ADGRB3: variants seen among roughly 807,000 people sequenced by gnomAD.
The protein encoded by ADGRB3 is adhesion G protein-coupled receptor B3.
ADGRB3 carries 37 observed loss-of-function variants against 193.4 expected under a neutral mutation model. That is an observed-to-expected ratio of 0.19 (90% CI 0.15 to 0.25). The LOEUF (loss-of-function observed/expected upper bound fraction) is 0.25, where lower values mean the gene tolerates loss of function less well. ADGRB3 is among the 10% of genes least tolerant of loss of function. The pLI, the probability that ADGRB3 is intolerant of heterozygous loss-of-function variation, is 1.00. For missense variants in ADGRB3, 1,637 were observed against 1,852.9 expected, an observed-to-expected ratio of 0.88 and a Z score of 2.14; for synonymous variants, 690 against 644.2, an observed-to-expected ratio of 1.07 and a Z score of -1.08.
intron 8 of ADGRB3, 44 bp from the exon 9 acceptor site, chr6:68,974,719 T>A (rs1425435109): frequency 2.6e-5 from 40 of 1,565,614 alleles, no homozygotes; most frequent in Non-Finnish European, 3.5e-5. Context: ...GCCAAAATTT[T>A]TTAAACACTA....
At chr6:69,113,382 A>G (rs1773432098) in intron 17 of ADGRB3, among the ~76,000 whole-genome samples, 2 of 152,022 alleles carry the variant, frequency 1.3e-5, no homozygotes, top group African/African-American at 4.8e-5. Flanking sequence ...ATATGTATGT[A>G]TATATGTGTG....
chr6:68,779,262 AAC>A (rs1766809436), intron 3 of ADGRB3, among the ~76,000 whole-genome samples: 1 of 106,248 alleles, frequency 9.4e-6, no homozygotes, highest in Non-Finnish European at 2.1e-5. Context: ...GTGTGTGTGT[AAC>A]AGAGAAGGTA....
Position 68,956,773 on chromosome 6 carries a change from G to A in ADGRB3, c.1489G>A (p.Glu497Lys), listed in dbSNP as rs549905059. ...AGGGCAGCAATGTGAAGGAACGGGC[G>A]AAGAAGTGAGAAGATGCAATGAGCA... Reference protein sequence around the residue: ...ITGQQCEGTGEEVRRCNEQRC... With the variant: ...ITGQQCEGTGKEVRRCNEQRC... Residue 497 changes from glutamate (E) to lysine (K), a missense_variant, in exon 8 of 32, where the codon GAA (glutamate) becomes AAA (lysine). Glu to Lys is a moderately conservative substitution (Grantham distance 56). Transcript: ENST00000370598. The A allele has an allele frequency of 1.8e-5, 29 of 1,613,844 alleles. No homozygotes were observed. Among genetic ancestry groups the A allele is most frequent in the South Asian group, 1.4e-4 (13 of 91,068 alleles).
intron 3 of ADGRB3, among the ~76,000 whole-genome samples, chr6:68,734,636 T>C (rs1238786118): frequency 6.6e-6 from 1 of 151,928 alleles, no homozygotes; most frequent in Admixed American, 6.6e-5. Context: ...AGGATGGTAA[T>C]GAAAATGAGG....
At position 68,993,882 on chromosome 6, in the gene ADGRB3, C is replaced by T. The variant is rs372558098; in HGVS notation, c.1849C>T (p.Leu617=). ...QRKNFYAGDL[L]MSVEILRNVT... is the part of the protein sequence containing the mutation. ...AAAAAATTTCTATGCAGGCGATCTTCTGATGTCTGTGGAGATCCTGAGAAA... is the reference window on the plus strand; with the variant it reads ...AAAAAATTTCTATGCAGGCGATCTTTTGATGTCTGTGGAGATCCTGAGAAA... The change falls in exon 11 of 32, where the codon CTG becomes TTG. Residue 617 remains leucine, a synonymous_variant. Coordinates refer to ENST00000370598, the MANE Select transcript of ADGRB3 (RefSeq NM_001704.3). The T allele has an allele frequency of 1.9e-6, 3 of 1,613,830 alleles. No homozygotes were observed. In the African/African-American group the frequency reaches 4.0e-5, roughly 22 times the overall value.
At chr6:68,772,892 A>AT (rs1293211041) in intron 3 of ADGRB3, among the ~76,000 whole-genome samples, 61 of 30,504 alleles carry the variant, frequency 2.0e-3, no homozygotes, top group Non-Finnish European at 2.8e-3. Flanking sequence ...CAAAAAAAAA[A>AT]AAATATATAT....
intron 17 of ADGRB3, among the ~76,000 whole-genome samples, chr6:69,143,002 G>T (rs2150338395): frequency 6.6e-6 from 1 of 152,288 alleles, no homozygotes; most frequent in East Asian, 1.9e-4. Context: ...CCCACCAACA[G>T]TGGATGAAGG....
At chr6:68,898,683 G>A (rs755828255) in intron 3 of ADGRB3, among the ~76,000 whole-genome samples, 1 of 152,066 alleles carries the variant, frequency 6.6e-6, no homozygotes, top group African/African-American at 2.4e-5. Context: ...CTTTGCAGTC[G>A]AGAAATCAGT....
At chr6:68,852,023 AT>A (rs146836929) in intron 3 of ADGRB3, among the ~76,000 whole-genome samples, 14,176 of 151,896 alleles carry the variant, frequency 0.093, 873 homozygotes, top group Non-Finnish European at 0.13. Flanking sequence ...TATATTATTC[AT>A]TTCAACGTTG....
chr6:68,675,069 A>T (rs777759488), intron 3 of ADGRB3, among the ~76,000 whole-genome samples: 1 of 152,144 alleles, frequency 6.6e-6, no homozygotes, highest in Non-Finnish European at 1.5e-5. Flanking sequence ...GAATAGTGAG[A>T]TTTATTACAC....
intron 17 of ADGRB3, among the ~76,000 whole-genome samples, chr6:69,086,041 A>G (rs968962280): frequency 5.9e-5 from 9 of 152,156 alleles, no homozygotes; most frequent in African/African-American, 2.2e-4. Flanking sequence ...AATGGACATA[A>G]GTAATTATAC....
chr6:68,854,044 A>G (rs1203350647), intron 3 of ADGRB3, among the ~76,000 whole-genome samples: 2 of 152,144 alleles, frequency 1.3e-5, no homozygotes, highest in African/African-American at 4.8e-5. Context: ...GTAGTGATCT[A>G]TATAAAAATG....
chr6:68,793,111 C>A (rs1428818599), intron 3 of ADGRB3, among the ~76,000 whole-genome samples: 2 of 151,988 alleles, frequency 1.3e-5, no homozygotes, highest in African/African-American at 4.8e-5. Flanking sequence ...TCCTGATAAA[C>A]CTAGGGCAAG....
intron 3 of ADGRB3, among the ~76,000 whole-genome samples, chr6:68,761,381 T>C (rs1408657341): frequency 6.9e-6 from 1 of 144,610 alleles, no homozygotes; most frequent in Non-Finnish European, 1.5e-5. Flanking sequence ...GGTAACTCCT[T>C]GCAGGCAGTC....
At chr6:69,077,553 A>T (rs1278783644) in intron 17 of ADGRB3, among the ~76,000 whole-genome samples, 1 of 151,966 alleles carries the variant, frequency 6.6e-6, no homozygotes, top group African/African-American at 2.4e-5. Flanking sequence ...CACTGCAACA[A>T]GAGATAGTTC....
chr6:69,379,574 A>G (rs954263746), intron 30 of ADGRB3, among the ~76,000 whole-genome samples: 3 of 152,134 alleles, frequency 2.0e-5, no homozygotes, highest in African/African-American at 4.8e-5. Context: ...AAACTTTCCA[A>G]TGTTCACTGT....
At chr6:69,131,742 C>A (rs1774016208) in intron 17 of ADGRB3, among the ~76,000 whole-genome samples, 1 of 151,948 alleles carries the variant, frequency 6.6e-6, no homozygotes, top group African/African-American at 2.4e-5. Context: ...CTGTTATCTA[C>A]ATTAGGTATT....
intron 17 of ADGRB3, among the ~76,000 whole-genome samples, chr6:69,089,533 C>A (rs548556949): frequency 6.6e-6 from 1 of 152,208 alleles, no homozygotes; most frequent in Admixed American, 6.5e-5. Flanking sequence ...TATTGATTCA[C>A]TAATATATCT....
intron 17 of ADGRB3, among the ~76,000 whole-genome samples, chr6:69,212,666 G>A (rs955463679): frequency 6.6e-6 from 1 of 152,078 alleles, no homozygotes; most frequent in Non-Finnish European, 1.5e-5. Flanking sequence ...TATTTAATTG[G>A]CCAGTTATTC....
Sources: gnomAD v4.1 joint callset for allele counts (sites outside exome capture counted in the v4.1 genomes callset) on GRCh38, gnomAD v4.1.1 for gene constraint, MANE v1.5 for transcripts, NCBI Gene and HGNC (gene_info 2026-07-23, HGNC 2026-07-21) for gene names.